EYS: variants seen among roughly 807,000 people sequenced by gnomAD.
EYS encodes protein eyes shut homolog.
A neutral mutation model predicts 282.1 loss-of-function variants in EYS; 250 were observed. That is an observed-to-expected ratio of 0.89 (90% CI 0.80 to 0.98). The LOEUF (loss-of-function observed/expected upper bound fraction) is 0.98. Ranked by LOEUF, EYS falls within the 50% of genes least tolerant of loss-of-function variation. The probability of loss-of-function intolerance (pLI) is 0.00; values close to 1 mark genes in which losing one functional copy is unlikely to be tolerated. For missense variants in EYS, 4,016 were observed against 3,709.0 expected, an observed-to-expected ratio of 1.08 and a Z score of -2.15; for synonymous variants, 1,355 against 1,282.9, an observed-to-expected ratio of 1.06 and a Z score of -1.20.
At chr6:65,571,580 G>T (rs1764478013) in intron 2 of EYS, among the ~76,000 whole-genome samples, 1 of 151,680 alleles carries the variant, frequency 6.6e-6, no homozygotes, top group African/African-American at 2.4e-5. Flanking sequence ...TTTTATTTTG[G>T]GATGACATAA....
chr6:65,562,522 T>C (rs1769105793), intron 2 of EYS, among the ~76,000 whole-genome samples: 1 of 152,030 alleles, frequency 6.6e-6, no homozygotes, highest in Non-Finnish European at 1.5e-5. Flanking sequence ...ATCTTCCAAA[T>C]TTAATAAACA....
chr6:63,750,278 A>C (rs571439662), intron 41 of EYS, among the ~76,000 whole-genome samples: 1 of 152,046 alleles, frequency 6.6e-6, no homozygotes, highest in Non-Finnish European at 1.5e-5. Flanking sequence ...CTGGAGTTTT[A>C]TTTTGTCCCT....
intron 15 of EYS, among the ~76,000 whole-genome samples, chr6:64,921,455 G>A (rs980166493): frequency 6.6e-6 from 1 of 152,108 alleles, no homozygotes; most frequent in African/African-American, 2.4e-5. Flanking sequence ...AAGAAGGAAA[G>A]AGAAGCAAAA....
intron 16 of EYS, among the ~76,000 whole-genome samples, chr6:64,909,299 C>CA (rs925587675): frequency 2.0e-4 from 30 of 151,678 alleles, no homozygotes; most frequent in African/African-American, 7.2e-4. Flanking sequence ...TTTATAGAGG[C>CA]AAAAAAAGTT....
intron 13 of EYS, among the ~76,000 whole-genome samples, chr6:65,018,458 G>A (rs906215781): frequency 6.6e-6 from 1 of 152,058 alleles, no homozygotes; most frequent in Non-Finnish European, 1.5e-5. Flanking sequence ...TTTTGTTAAG[G>A]ACACCAGTTA....
intron 2 of EYS, among the ~76,000 whole-genome samples, chr6:65,520,100 T>A (rs547230033): frequency 6.6e-6 from 1 of 152,254 alleles, no homozygotes; most frequent in African/African-American, 2.4e-5. Context: ...TCAGTAGTAC[T>A]TGATACATAT....
chr6:64,393,357 A>C (rs931338636), intron 28 of EYS, among the ~76,000 whole-genome samples: 3 of 152,256 alleles, frequency 2.0e-5, no homozygotes, highest in Non-Finnish European at 4.4e-5. Context: ...AATATCCTTG[A>C]TGAACATTGA....
At chr6:65,660,692 A>G (rs1054932118) in intron 1 of EYS, among the ~76,000 whole-genome samples, 1 of 151,848 alleles carries the variant, frequency 6.6e-6, no homozygotes, top group Non-Finnish European at 1.5e-5. Flanking sequence ...ATAACATGAA[A>G]TAACAGACAT....
intron 8 of EYS, among the ~76,000 whole-genome samples, chr6:65,371,814 C>A (rs888496546): frequency 7.3e-6 from 1 of 136,672 alleles, no homozygotes; most frequent in South Asian, 2.3e-4. Context: ...GAGGGACAGA[C>A]AGAATGAGAG....
chr6:64,306,554 T>TA (rs1769451616), intron 30 of EYS, among the ~76,000 whole-genome samples: 2 of 152,124 alleles, frequency 1.3e-5, no homozygotes, highest in African/African-American at 4.8e-5. Context: ...CTGAAAGAAA[T>TA]ACGTCTCCCA....
chr6:64,508,551 TTTATTA>T (rs34222008), intron 26 of EYS, among the ~76,000 whole-genome samples: 7,311 of 142,454 alleles, frequency 0.051, 526 homozygotes, highest in African/African-American at 0.16. Flanking sequence ...TTTCTAAGTA[TTTATTA>T]TTATTATTAT....
At chr6:63,950,849 C>T (rs2149765280) in intron 35 of EYS, among the ~76,000 whole-genome samples, 1 of 152,196 alleles carries the variant, frequency 6.6e-6, no homozygotes, top group African/African-American at 2.4e-5. Flanking sequence ...ATTTCAGTTC[C>T]TTTCCTTTTC....
chr6:64,524,216 T>G (rs1304845798), intron 26 of EYS, among the ~76,000 whole-genome samples: 1 of 151,768 alleles, frequency 6.6e-6, no homozygotes, highest in African/African-American at 2.4e-5. Flanking sequence ...ATATATTTTT[T>G]TGCCATGATG....
At chr6:63,741,086 G>A (rs1414294890) in intron 41 of EYS, among the ~76,000 whole-genome samples, 1 of 152,132 alleles carries the variant, frequency 6.6e-6, no homozygotes, top group Non-Finnish European at 1.5e-5. Flanking sequence ...CTGAGTTCTG[G>A]CCAATAGCTT....
At chr6:65,514,113 G>T (rs1406443580) in intron 2 of EYS, among the ~76,000 whole-genome samples, 1 of 151,838 alleles carries the variant, frequency 6.6e-6, no homozygotes, top group Admixed American at 6.6e-5. Context: ...CAAAATCAAT[G>T]TACAAAAATC....
chr6:63,847,314 G>A (rs1007986349), intron 36 of EYS, among the ~76,000 whole-genome samples: 1 of 152,214 alleles, frequency 6.6e-6, no homozygotes. Context: ...TTAATGCAAT[G>A]TAGGTACACA....
chr6:64,220,171 TAAAGTA>T (rs1158858186), intron 31 of EYS, among the ~76,000 whole-genome samples: 1 of 152,084 alleles, frequency 6.6e-6, no homozygotes, highest in African/African-American at 2.4e-5. Flanking sequence ...CCCTAAAACT[TAAAGTA>T]AAAAATTTTA....
chr6:65,068,893 C>T (rs1773827659), intron 12 of EYS, among the ~76,000 whole-genome samples: 1 of 151,878 alleles, frequency 6.6e-6, no homozygotes, highest in East Asian at 1.9e-4. Flanking sequence ...TCTTAGATAC[C>T]TTAGTATACT....
At chr6:63,733,572 C>T (rs760768912) in intron 41 of EYS, among the ~76,000 whole-genome samples, 4 of 152,006 alleles carry the variant, frequency 2.6e-5, no homozygotes, top group Non-Finnish European at 4.4e-5. Context: ...AATTTGCTTA[C>T]GATAATGGCC....
Sources: gnomAD v4.1 joint callset for allele counts (sites outside exome capture counted in the v4.1 genomes callset) on GRCh38, gnomAD v4.1.1 for gene constraint, MANE v1.5 for transcripts, NCBI Gene and HGNC (gene_info 2026-07-23, HGNC 2026-07-21) for gene names.